RHPN2: variants seen among roughly 807,000 people sequenced by gnomAD.
The protein encoded by RHPN2 is rhophilin Rho GTPase binding protein 2, also known as rhophilin-2.
In RHPN2, 40 loss-of-function variants were observed where a neutral mutation model predicts 79.0. That is an observed-to-expected ratio of 0.51 (90% CI 0.39 to 0.66). The LOEUF (loss-of-function observed/expected upper bound fraction) is 0.66, where lower values mean the gene tolerates loss of function less well. RHPN2 is among the 30% of genes least tolerant of loss of function. The probability of loss-of-function intolerance (pLI) is 0.00; values close to 1 mark genes in which losing one functional copy is unlikely to be tolerated. For missense variants in RHPN2, 686 were observed against 883.5 expected (o/e 0.78, Z 2.83); for synonymous variants, 285 against 363.5 (o/e 0.78, Z 2.46).
intron 9 of RHPN2, among the ~76,000 whole-genome samples, chr19:33,001,373 T>A (rs28633567): frequency 1.3e-4 from 19 of 151,644 alleles, no homozygotes; most frequent in Admixed American, 5.3e-4. Flanking sequence ...TCCATCTCTA[T>A]AAAAAAAAAA....
intron 4 of RHPN2, among the ~76,000 whole-genome samples, chr19:33,017,199 T>A (rs1468595930): frequency 6.6e-6 from 1 of 152,002 alleles, no homozygotes; most frequent in Admixed American, 6.6e-5. Flanking sequence ...GCCAACATGG[T>A]GAAACCATGT....
rs557089769 is a variant in RHPN2, at chr19:33,054,957, G to C, written c.69+9827C>G. The stretch of plus-strand genomic sequence containing the variant: ...TCCCAGCCAGGATCCCACAGTTGAA[G>C]ACTGTTGGTCAGGCAGACCCTCGGG... On this transcript the variant is annotated intron_variant, in intron 1 of 14. Transcript: ENST00000254260. Among the ~76,000 whole-genome samples, 94 of 152,304 alleles carry C rather than the reference G, an allele frequency of 6.2e-4. 2 individuals are homozygous for C. Among genetic ancestry groups the C allele is most frequent in the Admixed American group, 6.1e-3 (93 of 15,292 alleles).
chr19:33,003,130 G>A, intron 7 of RHPN2, 130 bp from the exon 8 acceptor site: 1 of 777,136 alleles, frequency 1.3e-6, no homozygotes, highest in South Asian at 1.5e-5. Flanking sequence ...AGGCCGAAGT[G>A]AGCAGATCAC....
chr19:33,062,648 G>A (rs1972290114), intron 1 of RHPN2, among the ~76,000 whole-genome samples: 1 of 151,428 alleles, frequency 6.6e-6, no homozygotes, highest in African/African-American at 2.4e-5. Context: ...GCAGGCGCCT[G>A]TAATCCCAGC....
intron 2 of RHPN2, among the ~76,000 whole-genome samples, chr19:33,031,031 G>A (rs550706020): frequency 6.6e-6 from 1 of 152,228 alleles, no homozygotes; most frequent in East Asian, 1.9e-4. Flanking sequence ...GAAAGCACCT[G>A]ATGGACCAGT....
At chr19:33,008,289 T>C in intron 6 of RHPN2, 109 bp from the exon 7 acceptor site, 7 of 1,137,948 alleles carry the variant, frequency 6.2e-6, no homozygotes, top group Non-Finnish European at 8.8e-6. Context: ...TCTCACTCTG[T>C]TGCCCAGGCT....
chr19:33,007,304 T>C (rs1360821525), intron 7 of RHPN2, among the ~76,000 whole-genome samples: 2 of 151,956 alleles, frequency 1.3e-5, no homozygotes, highest in African/African-American at 4.8e-5. Flanking sequence ...CTGGCCAGCA[T>C]GGCGAAACCC....
chr19:33,064,737 A>C (rs1348145614), intron 1 of RHPN2, 47 bp downstream of exon 1: 1 of 1,504,308 alleles, frequency 6.6e-7, no homozygotes, highest in Non-Finnish European at 8.9e-7. Context: ...GGGGGAAAGG[A>C]GGTCTGGAGC....
At chr19:33,048,524 G>A (rs1353037019) in intron 1 of RHPN2, among the ~76,000 whole-genome samples, 2 of 149,054 alleles carry the variant, frequency 1.3e-5, no homozygotes, top group Admixed American at 6.7e-5. Context: ...ACAGGAGTTC[G>A]AGAACAGCCT....
chr19:32,984,758 C>T (rs1314541210), intron 14 of RHPN2, among the ~76,000 whole-genome samples: 3 of 152,124 alleles, frequency 2.0e-5, no homozygotes, highest in Non-Finnish European at 4.4e-5. Flanking sequence ...TCAAGATCAG[C>T]TTGGATAACT....
intron 11 of RHPN2, among the ~76,000 whole-genome samples, chr19:32,994,807 C>T (rs550046771): frequency 5.3e-4 from 80 of 151,888 alleles, no homozygotes; most frequent in African/African-American, 1.9e-3. Flanking sequence ...ACTAAAAATA[C>T]AAAAAATTAG....
At chr19:33,008,576 C>T (rs529469924) in intron 6 of RHPN2, among the ~76,000 whole-genome samples, 1 of 152,108 alleles carries the variant, frequency 6.6e-6, no homozygotes, top group South Asian at 2.1e-4. Flanking sequence ...TTGAGACCAG[C>T]GTGGCCAACA....
At chr19:33,005,826 G>T (rs112277911) in intron 7 of RHPN2, among the ~76,000 whole-genome samples, 1 of 152,074 alleles carries the variant, frequency 6.6e-6, no homozygotes, top group Non-Finnish European at 1.5e-5. Context: ...TACAGCAAAA[G>T]AAATCAACTC....
intron 1 of RHPN2, among the ~76,000 whole-genome samples, chr19:33,056,323 G>C (rs200150843): frequency 6.6e-6 from 1 of 151,766 alleles, no homozygotes; most frequent in Non-Finnish European, 1.5e-5. Flanking sequence ...TGTTGGTCAG[G>C]CTGGTCTCGA....
chr19:33,008,845 C>G (rs917996962), intron 6 of RHPN2, among the ~76,000 whole-genome samples: 5 of 152,180 alleles, frequency 3.3e-5, no homozygotes, highest in African/African-American at 1.2e-4. Context: ...ACTAATCACA[C>G]TGACCGCCAC....
In RHPN2 at chr19:33,008,116, G is replaced by A. The variant is rs1157280386; in HGVS notation, c.658C>T (p.Leu220=). The change falls in exon 7 of 15, where the codon CTG becomes TTG. Residue 220 remains leucine, a synonymous_variant. Transcript: ENST00000254260. ...QNLLLEKASV[L]FNTGALYTQI... is the part of the protein sequence containing the mutation. ...GTGTAGAGGGCCCCAGTGTTGAACA[G>A]GACACTGGCCTTCTCCAGCAGCAGG... The A allele has an allele frequency of 1.2e-5, 20 of 1,613,946 alleles. No homozygotes were observed. Among genetic ancestry groups the A allele is most frequent in the Non-Finnish European group, 1.6e-5 (19 of 1,179,992 alleles).
At chr19:33,002,788 A>G in intron 8 of RHPN2, 25 bp downstream of exon 8, 1 of 1,611,832 alleles carries the variant, frequency 6.2e-7, no homozygotes, top group Non-Finnish European at 8.5e-7. Flanking sequence ...CACTCCCCAA[A>G]GTCACAGGAA....
chr19:33,031,243 C>CTATTCTATTA (rs1972008887), intron 2 of RHPN2, among the ~76,000 whole-genome samples: 1 of 151,426 alleles, frequency 6.6e-6, no homozygotes. Context: ...CTATTCTATT[C>CTATTCTATTA]TATTCTATTC....
chr19:33,036,870 G>GCCCCCCCCCCCC (rs199550754), intron 2 of RHPN2, among the ~76,000 whole-genome samples: 1 of 141,334 alleles, frequency 7.1e-6, no homozygotes, highest in African/African-American at 2.8e-5. Context: ...CCATGCCTGA[G>GCCCCCCCCCCCC]CCCCCCCGCC....
Sources: gnomAD v4.1 joint callset for allele counts (sites outside exome capture counted in the v4.1 genomes callset) on GRCh38, gnomAD v4.1.1 for gene constraint, MANE v1.5 for transcripts, NCBI Gene and HGNC (gene_info 2026-07-23, HGNC 2026-07-21) for gene names.